The following PCBP3 variants were observed in gnomAD, a reference collection of about 807,000 sequenced individuals.
PCBP3 encodes poly(rC) binding protein 3.
A neutral mutation model predicts 52.7 loss-of-function variants in PCBP3; 25 were observed. The ratio of observed to expected loss-of-function variants is 0.47; its 90% CI spans 0.35 to 0.66. The LOEUF is 0.66. Ranked by LOEUF, PCBP3 falls within the 30% of genes least tolerant of loss-of-function variation. The probability of loss-of-function intolerance (pLI) is 0.01; values close to 1 mark genes in which losing one functional copy is unlikely to be tolerated. For synonymous variants in PCBP3, 162 were observed against 183.0 expected (o/e 0.89, Z 0.93); for missense variants, 391 against 490.3 (o/e 0.80, Z 1.91).
chr21:45,741,359 TG>T lies in PCBP3; in HGVS notation c.-162+5933del, dbSNP rs1252902096. Among the ~76,000 whole-genome samples, 1 of 151,772 alleles carries T rather than the reference TG, an allele frequency of 6.6e-6. No homozygotes were observed. Among genetic ancestry groups the T allele is most frequent in the African/African-American group, 2.4e-5 (1 of 41,268 alleles). ...AAGAAGGGAGCTGCAGCATCAGGTGTGGGTACCAGGTGCACAGCCAGCGAGG... is the reference window on the plus strand; with the variant it reads ...AAGAAGGGAGCTGCAGCATCAGGTGTGGTACCAGGTGCACAGCCAGCGAGG... On this transcript the variant is annotated intron_variant, in intron 3 of 17. Transcript: ENST00000681687. The surrounding 1 kb of genome is among the most constrained non-coding windows in gnomAD (Gnocchi z 4.5).
intron 13 of PCBP3, among the ~76,000 whole-genome samples, chr21:45,922,910 G>A (rs947644818): frequency 6.6e-5 from 10 of 152,240 alleles, no homozygotes; most frequent in Non-Finnish European, 8.8e-5. Context: ...GGAATCAAGC[G>A]GACACCAGTG....
intron 2 of PCBP3, among the ~76,000 whole-genome samples, chr21:45,675,054 T>C (rs561793126): frequency 2.4e-4 from 37 of 152,352 alleles, no homozygotes; most frequent in Admixed American, 1.7e-3. Flanking sequence ...AGTGCCTCTG[T>C]TGTCCAGAGT....
chr21:45,668,707 A>T (rs1288716308), intron 1 of PCBP3, among the ~76,000 whole-genome samples, 167 bp from the exon 2 acceptor site: 3 of 152,216 alleles, frequency 2.0e-5, no homozygotes, highest in Non-Finnish European at 4.4e-5. Flanking sequence ...ATTTCTAAAA[A>T]AAAAGTTGAT....
At chr21:45,900,730 G>T in intron 8 of PCBP3, 107 bp downstream of exon 8, 1 of 939,410 alleles carries the variant, frequency 1.1e-6, no homozygotes, top group Non-Finnish European at 1.7e-6. Context: ...GGCCAGCCGG[G>T]GTGTGTGGGG....
chr21:45,738,686 C>T (rs1454018640), intron 3 of PCBP3, among the ~76,000 whole-genome samples: 3 of 152,154 alleles, frequency 2.0e-5, no homozygotes, highest in Admixed American at 2.0e-4. Flanking sequence ...ATTGTCCTCA[C>T]CCCTTCCTGT....
At chr21:45,924,231 A>T (rs2074985202) in intron 13 of PCBP3, among the ~76,000 whole-genome samples, 2 of 147,786 alleles carry the variant, frequency 1.4e-5, no homozygotes, top group African/African-American at 5.0e-5. Flanking sequence ...AGATGTGAAC[A>T]CTGGGAACAG....
At position 45,830,325 on chromosome 21, in the gene PCBP3, G is replaced by A. The variant is rs2839015; in HGVS notation, c.-125-19636G>A. ...AGCCCCTCTTTCCTGCACAGTGCAG[G>A]CATCTCCTCTTAGGCCGCTCCTCTG... On this transcript the variant is annotated intron_variant, in intron 4 of 17. Coordinates refer to ENST00000681687, the MANE Select transcript of PCBP3 (RefSeq NM_001384156.1). This position sits in a 1 kb window ranked among gnomAD's most constrained non-coding sequence, Gnocchi z 4.4. 0.27 allele frequency: 41,473 copies of A among 153,094 alleles called. 7,121 individuals carry two copies. Among genetic ancestry groups the A allele is most frequent in the East Asian group, 0.66 (3,421 of 5,162 alleles). 9.5% of individuals were successfully genotyped at this position (153,094 alleles called of 1,614,324 possible). A position where few individuals can be genotyped will look rare whatever the true frequency, so the allele number is the denominator to read the frequency against.
At chr21:45,703,481 G>T (rs74959238) in intron 2 of PCBP3, among the ~76,000 whole-genome samples, 3,134 of 152,316 alleles carry the variant, frequency 0.021, 116 homozygotes, top group African/African-American at 0.072. Flanking sequence ...TTGTTCATGA[G>T]CAGTAATATT....
chr21:45,939,936 G>A, intron 16 of PCBP3, 94 bp from the exon 17 acceptor site: 1 of 1,162,936 alleles, frequency 8.6e-7, no homozygotes, highest in Non-Finnish European at 1.2e-6. Flanking sequence ...AAGGCTGGCG[G>A]CCCGTCCCAC....
chr21:45,899,668 G>T (rs781353980), intron 7 of PCBP3, 46 bp downstream of exon 7: 1 of 1,441,320 alleles, frequency 6.9e-7, no homozygotes, highest in Non-Finnish European at 9.8e-7. Flanking sequence ...CTCTGTAAGG[G>T]GATGGTGAGG....
At chr21:45,683,441 T>C (rs2081968067) in intron 2 of PCBP3, among the ~76,000 whole-genome samples, 1 of 152,096 alleles carries the variant, frequency 6.6e-6, no homozygotes, top group South Asian at 2.1e-4. Flanking sequence ...AGTAAGGAGA[T>C]CTAAGGTGAA....
At chr21:45,778,057 A>C (rs191626715) in intron 4 of PCBP3, among the ~76,000 whole-genome samples, 2 of 144,168 alleles carry the variant, frequency 1.4e-5, no homozygotes, top group African/African-American at 5.2e-5. Flanking sequence ...GCTTCTTCCT[A>C]TTTTTGAATT....
rs975961222 is a variant in PCBP3, at chr21:45,904,821, C to T, written c.339+3708C>T. The stretch of plus-strand genomic sequence containing the variant: ...CGTGTCTCACCCTCACACCATGTCA[C>T]GATTGTGCTGGTGACGGATACCTGG... On this transcript the variant is annotated intron_variant, in intron 9 of 17. Transcript: ENST00000681687. This position sits in a 1 kb window ranked among gnomAD's most constrained non-coding sequence, Gnocchi z 4.8. Among the ~76,000 whole-genome samples, 13 of 152,164 alleles carry T rather than the reference C, an allele frequency of 8.5e-5. 1 individual carries two copies. The highest frequency in any genetic ancestry group is 6.3e-3 in the Middle Eastern group (2 of 316).
chr21:45,878,053 G>A (rs533480088), intron 5 of PCBP3, among the ~76,000 whole-genome samples: 8 of 152,226 alleles, frequency 5.3e-5, no homozygotes, highest in East Asian at 3.8e-4. Context: ...GAGAAGCTCC[G>A]CATTTCTGTC....
At chr21:45,744,539 T>C (rs2086685993) in intron 3 of PCBP3, among the ~76,000 whole-genome samples, 1 of 152,192 alleles carries the variant, frequency 6.6e-6, no homozygotes, top group African/African-American at 2.4e-5. Context: ...TCCCTTTATT[T>C]CTAGTACTTA....
chr21:45,867,962 C>T (rs528255616), intron 5 of PCBP3, among the ~76,000 whole-genome samples: 1 of 152,378 alleles, frequency 6.6e-6, no homozygotes, highest in South Asian at 2.1e-4. Context: ...AGTCAAAAAG[C>T]TGGACAAAAA....
intron 2 of PCBP3, among the ~76,000 whole-genome samples, chr21:45,730,802 T>C (rs1214515823): frequency 1.3e-5 from 2 of 152,214 alleles, no homozygotes; most frequent in Admixed American, 6.5e-5. Context: ...GGTAATATTA[T>C]GTACCCTGAA....
At chr21:45,865,208 G>T (rs942694813) in intron 5 of PCBP3, among the ~76,000 whole-genome samples, 2 of 152,164 alleles carry the variant, frequency 1.3e-5, no homozygotes, top group Non-Finnish European at 2.9e-5. Context: ...TCCACCTGAC[G>T]TGTATCCCAG....
chr21:45,726,538 A>T (rs1439239776), intron 2 of PCBP3, among the ~76,000 whole-genome samples: 2 of 152,108 alleles, frequency 1.3e-5, no homozygotes, highest in African/African-American at 4.8e-5. Context: ...CGCCCTGCTC[A>T]CATGCCCCAT....
Sources: allele counts gnomAD v4.1 joint callset (sites outside exome capture counted in the v4.1 genomes callset), GRCh38; gene constraint gnomAD v4.1.1; non-coding constraint Gnocchi (gnomAD v3.1); transcripts MANE v1.5; gene names NCBI Gene and HGNC (gene_info 2026-07-23, HGNC 2026-07-21).